Variants in FBXW10 observed in about 807,000 individuals in gnomAD.
The protein encoded by FBXW10 is F-box/WD repeat-containing protein 10.
A neutral mutation model predicts 113.1 loss-of-function variants in FBXW10; 68 were observed. The ratio of observed to expected loss-of-function variants is 0.60; its 90% confidence interval spans 0.49 to 0.74. FBXW10 has a LOEUF of 0.74. Among genes scored for constraint, FBXW10 ranks in the 30% least tolerant of loss-of-function variants. The pLI, the probability that FBXW10 is intolerant of heterozygous loss-of-function variation, is 0.00. For missense variants in FBXW10, 753 were observed against 1,284.5 expected (o/e 0.59, Z 6.32); for synonymous variants, 289 against 481.6 (o/e 0.60, Z 5.24).
intron 7 of FBXW10, among the ~76,000 whole-genome samples, chr17:18,758,823 C>T (rs957918601): frequency 7.0e-5 from 3 of 42,698 alleles, no homozygotes; most frequent in African/African-American, 1.5e-4. Context: ...TTCAGGGGAA[C>T]GTGGTTTTTA....
In FBXW10 at chr17:18,744,704, A is replaced by G. The variant is rs2035006203; in HGVS notation, c.460A>G (p.Asn154Asp). Residue 154 changes from asparagine (N) to aspartate (D), a missense_variant, in exon 1 of 14, where the codon AAT becomes GAT. Transcript: ENST00000395665. Reference protein sequence around the residue: ...CNPKLLLTAANVIRVLFLREE... With the variant: ...CNPKLLLTAADVIRVLFLREE... ...CCCCAAATTACTGCTCACTGCTGCC[A>G]ATGTGATCAGAGTCCTGTTTCTGAG... 1 of 1,613,822 alleles carries G rather than the reference A, an allele frequency of 6.2e-7. No homozygotes were observed. The highest frequency in any genetic ancestry group is 1.3e-5 in the African/African-American group (1 of 74,926).
chr17:18,752,443 A>T (rs1474510509), intron 5 of FBXW10, among the ~76,000 whole-genome samples: 1 of 152,192 alleles, frequency 6.6e-6, no homozygotes, highest in Non-Finnish European at 1.5e-5. Flanking sequence ...GGCCAGGTGC[A>T]GCAGCTCACG....
chr17:18,776,234 T>C (rs1276681715), intron 13 of FBXW10, among the ~76,000 whole-genome samples: 3 of 151,874 alleles, frequency 2.0e-5, no homozygotes, highest in East Asian at 3.9e-4. Flanking sequence ...GGCAGGGGAA[T>C]TGCTTGAACC....
At chr17:18,759,909 C>T (rs574835569) in intron 7 of FBXW10, among the ~76,000 whole-genome samples, 44 of 145,682 alleles carry the variant, frequency 3.0e-4, no homozygotes, top group Admixed American at 9.0e-4. Context: ...GCCACCGCGC[C>T]GGGCCCTTGT....
chr17:18,750,826 C>T, intron 4 of FBXW10, 105 bp from the exon 5 acceptor site: 1 of 1,362,476 alleles, frequency 7.3e-7, no homozygotes, highest in Middle Eastern at 2.4e-4. Context: ...ACCCATCCTT[C>T]ACATTTTGCC....
chr17:18,748,408 C>CAAAAAA (rs57336039), intron 2 of FBXW10, among the ~76,000 whole-genome samples: 126 of 51,362 alleles, frequency 2.5e-3, no homozygotes, highest in African/African-American at 5.2e-3. Flanking sequence ...GAGACTGTCT[C>CAAAAAA]AAAAAAAAAA....
In FBXW10 at chr17:18,751,134, C is replaced by A. The variant is rs1006327426; in HGVS notation, c.1122+81C>A. ...ATTGAAGGCTGAGGTCCAGACTCAG[C>A]CCTGGAGTGAGGACAGAGGATCACG... On this transcript the variant is annotated intron_variant, in intron 5 of 13. Coordinates refer to ENST00000395665, the MANE Select transcript of FBXW10 (RefSeq NM_001267585.2). The A allele has an allele frequency of 2.0e-5, 31 of 1,581,948 alleles. No individual in the cohort carries two copies. The African/African-American group carries it at 3.6e-4, about 19-fold the overall frequency.
chr17:18,778,747 T>C lies in FBXW10; in HGVS notation c.2608T>C (p.Leu870=), dbSNP rs1157539277. ...ATCAATCCAACGTGCAGTTGATCGG[T>C]TGAGATTGAGCAATCCTCCTATAGA... ...GKSIQRAVDR[L]RLSNPPIDVK... Residue 870 remains leucine, a synonymous_variant, in exon 14 of 14, where the codon TTG becomes CTG. Coordinates refer to ENST00000395665, the MANE Select transcript of FBXW10 (RefSeq NM_001267585.2). 3 of 1,613,664 alleles carry C rather than the reference T, an allele frequency of 1.9e-6. No homozygotes were observed. Among genetic ancestry groups the C allele is most frequent in the South Asian group, 2.2e-5 (2 of 91,060 alleles).
chr17:18,758,852 T>C (rs1393600245), intron 7 of FBXW10, among the ~76,000 whole-genome samples: 1 of 151,122 alleles, frequency 6.6e-6, no homozygotes, highest in African/African-American at 2.4e-5. Flanking sequence ...AGACAGACTA[T>C]AGAGGCAAAA....
chr17:18,764,403 T>G (rs1266780813), intron 7 of FBXW10, among the ~76,000 whole-genome samples: 1 of 152,088 alleles, frequency 6.6e-6, no homozygotes, highest in East Asian at 1.9e-4. Flanking sequence ...GGTTTCACCA[T>G]GTTGGCCAGT....
rs1465193457 is a variant in FBXW10 at position 18,747,855 on chromosome 17, G to GA, written c.506-80dup. On this transcript the variant is annotated intron_variant, in intron 1 of 13. Coordinates refer to ENST00000395665, the MANE Select transcript of FBXW10 (RefSeq NM_001267585.2). Reference sequence around the variant, plus strand: ...TTCTGTACATCTTTAAAAGAAGGAAGAAAAAATGAAAAAGTTTCTCTCCAC... The same window carrying GA: ...TTCTGTACATCTTTAAAAGAAGGAAGAAAAAAATGAAAAAGTTTCTCTCCAC... 3 of 1,581,838 alleles carry GA rather than the reference G, an allele frequency of 1.9e-6. No homozygotes were observed. The African/African-American group carries it at 4.1e-5, about 21-fold the overall frequency.
chr17:18,749,000 A>G (rs2035100418), intron 2 of FBXW10, among the ~76,000 whole-genome samples: 1 of 152,214 alleles, frequency 6.6e-6, no homozygotes, highest in African/African-American at 2.4e-5. Context: ...TATATGGAAA[A>G]TTTCAAATTT....
chr17:18,770,397 G>A (rs2035589975), intron 11 of FBXW10, among the ~76,000 whole-genome samples: 3 of 151,432 alleles, frequency 2.0e-5, no homozygotes, highest in Admixed American at 6.6e-5. Context: ...TCCGCCTCCC[G>A]GGTTCAAGCA....
At chr17:18,773,032 G>A (rs183058274) in intron 12 of FBXW10, among the ~76,000 whole-genome samples, 21 of 151,142 alleles carry the variant, frequency 1.4e-4, no homozygotes, top group Middle Eastern at 3.4e-3. Context: ...AGGTTCAAGC[G>A]ATTCTCCTGC....
intron 13 of FBXW10, among the ~76,000 whole-genome samples, chr17:18,778,169 C>T (rs1031835502): frequency 2.0e-5 from 3 of 152,136 alleles, no homozygotes; most frequent in South Asian, 2.1e-4. Context: ...AGGAGAACGG[C>T]GTGAACCCGG....
intron 5 of FBXW10, among the ~76,000 whole-genome samples, chr17:18,755,499 T>C: frequency 6.6e-6 from 1 of 151,656 alleles, no homozygotes; most frequent in African/African-American, 2.4e-5. Context: ...GAGGTTGCAG[T>C]GAGCTGAGAT....
At chr17:18,753,062 C>G (rs1185735834) in intron 5 of FBXW10, among the ~76,000 whole-genome samples, 1 of 152,160 alleles carries the variant, frequency 6.6e-6, no homozygotes. Flanking sequence ...ACAAACACCG[C>G]CACTTTAAGT....
intron 5 of FBXW10, among the ~76,000 whole-genome samples, chr17:18,753,535 CCCTTCG>C (rs1276632444): frequency 6.6e-6 from 1 of 152,144 alleles, no homozygotes; most frequent in Non-Finnish European, 1.5e-5. Flanking sequence ...TGTCAAGCCA[CCCTTCG>C]CCTTTCTCTC....
intron 1 of FBXW10, among the ~76,000 whole-genome samples, chr17:18,745,848 G>A (rs1331048342): frequency 1.3e-5 from 2 of 152,236 alleles, no homozygotes; most frequent in East Asian, 3.8e-4. Context: ...GGAAGCAGAA[G>A]AAACAATAAG....
Sources: gnomAD v4.1 joint callset for allele counts (sites outside exome capture counted in the v4.1 genomes callset) on GRCh38, gnomAD v4.1.1 for gene constraint, MANE v1.5 for transcripts, NCBI Gene and HGNC (gene_info 2026-07-23, HGNC 2026-07-21) for gene names.